MIPOL1: variants seen among roughly 807,000 people sequenced by gnomAD.
MIPOL1 encodes mirror-image polydactyly 1, also known as mirror-image polydactyly gene 1 protein.
Under a neutral mutation model 60.9 loss-of-function variants are expected in MIPOL1, and 57 were observed. That is an observed-to-expected ratio of 0.94 (90% confidence interval 0.76 to 1.17). The LOEUF is 1.17. MIPOL1 is among the 50% of genes most tolerant of loss of function. MIPOL1 has a pLI of 0.00. For missense variants in MIPOL1, 551 were observed against 511.6 expected, an observed-to-expected ratio of 1.08 and a Z score of -0.74; for synonymous variants, 179 against 168.8, an observed-to-expected ratio of 1.06 and a Z score of -0.47.
intron 11 of MIPOL1, among the ~76,000 whole-genome samples, chr14:37,454,272 C>G (rs1268880065): frequency 6.6e-6 from 1 of 152,162 alleles, no homozygotes; most frequent in East Asian, 1.9e-4. Flanking sequence ...AGGGTGCTCC[C>G]TGAGTTTGGT....
At chr14:37,323,745 C>G (rs540887549) in intron 9 of MIPOL1, among the ~76,000 whole-genome samples, 4 of 152,034 alleles carry the variant, frequency 2.6e-5, no homozygotes, top group Admixed American at 2.6e-4. Flanking sequence ...AGAAAGTTCC[C>G]TCATTTATAT....
intron 6 of MIPOL1, among the ~76,000 whole-genome samples, chr14:37,274,977 A>G (rs2083543524): frequency 6.6e-6 from 1 of 151,000 alleles, no homozygotes. Flanking sequence ...TTGTTTCACA[A>G]GGAATTGATT....
At chr14:37,320,998 C>A (rs1292290631) in intron 9 of MIPOL1, among the ~76,000 whole-genome samples, 2 of 151,954 alleles carry the variant, frequency 1.3e-5, no homozygotes, top group Non-Finnish European at 2.9e-5. Context: ...ATTTCTGTAG[C>A]ATTATAGTAA....
At chr14:37,320,291 C>T (rs2088428616) in intron 9 of MIPOL1, among the ~76,000 whole-genome samples, 1 of 152,100 alleles carries the variant, frequency 6.6e-6, no homozygotes, top group South Asian at 2.1e-4. Context: ...GTTGTTCCAG[C>T]TGTGAGAGTT....
chr14:37,358,974 A>G lies in MIPOL1; in HGVS notation c.829-10543A>G, dbSNP rs568642885. Reference sequence around the variant, plus strand: ...GGGTTTTTATGGTTTTAGGTCTAATATTTAAGTCTTTAATCCATCTTGAAT... The same window carrying G: ...GGGTTTTTATGGTTTTAGGTCTAATGTTTAAGTCTTTAATCCATCTTGAAT... On this transcript the variant is annotated intron_variant, in intron 9 of 12. Coordinates refer to ENST00000684589, the MANE Select transcript of MIPOL1 (RefSeq NM_001388067.1). Among the ~76,000 whole-genome samples, 9 of 152,234 alleles carry G rather than the reference A, an allele frequency of 5.9e-5. No homozygotes were observed. In the East Asian group the frequency reaches 9.7e-4, roughly 16 times the overall value.
intron 9 of MIPOL1, among the ~76,000 whole-genome samples, chr14:37,323,157 G>T (rs762487912): frequency 6.6e-6 from 1 of 152,032 alleles, no homozygotes; most frequent in Non-Finnish European, 1.5e-5. Flanking sequence ...TTTATATAAG[G>T]TGTAAAGAAG....
At chr14:37,231,576 A>C (rs1445020475) in intron 1 of MIPOL1, among the ~76,000 whole-genome samples, 1 of 152,160 alleles carries the variant, frequency 6.6e-6, no homozygotes, top group African/African-American at 2.4e-5. Flanking sequence ...TCTCTACTTA[A>C]AAAGTAGTAT....
At chr14:37,332,006 C>T (rs2089733171) in intron 9 of MIPOL1, among the ~76,000 whole-genome samples, 1 of 152,110 alleles carries the variant, frequency 6.6e-6, no homozygotes, top group East Asian at 1.9e-4. Flanking sequence ...TGCATGGTGG[C>T]AGGTGCCTGT....
chr14:37,392,921 T>C (rs775706248), intron 10 of MIPOL1, among the ~76,000 whole-genome samples: 5 of 152,200 alleles, frequency 3.3e-5, no homozygotes, highest in Non-Finnish European at 2.9e-5. Flanking sequence ...CTAATTCCAG[T>C]ATCTCTGAAG....
chr14:37,256,276 CCAA>C lies in MIPOL1; in HGVS notation c.19+8376_19+8378del, dbSNP rs1355222320. 5.3e-5 allele frequency among the ~76,000 whole-genome samples: 8 copies of C among 151,800 alleles called. No individual in the cohort carries two copies. The East Asian group carries it at 7.7e-4, about 15-fold the overall frequency. On this transcript the variant is annotated intron_variant, in intron 3 of 12. Coordinates refer to ENST00000684589, the MANE Select transcript of MIPOL1 (RefSeq NM_001388067.1). ...TTCATTTAGCATTAGTTTCCTTGAA[CCAA>C]CAACAAGTTTTGGAAGAAAGAAATA... is the stretch of plus-strand genomic sequence containing the variant.
intron 9 of MIPOL1, among the ~76,000 whole-genome samples, chr14:37,359,427 G>T (rs1274379837): frequency 6.6e-6 from 1 of 152,218 alleles, no homozygotes; most frequent in Non-Finnish European, 1.5e-5. Flanking sequence ...ACCTTGGGCA[G>T]TATGGCCATT....
chr14:37,399,819 AT>A (rs1011219817), intron 10 of MIPOL1: 1 of 152,156 alleles, frequency 6.6e-6, no homozygotes, highest in Non-Finnish European at 1.5e-5. Context: ...TAACACCAGT[AT>A]TGGTTTTAGC....
intron 1 of MIPOL1, among the ~76,000 whole-genome samples, chr14:37,200,347 A>T (rs992868075): frequency 1.3e-5 from 2 of 152,242 alleles, no homozygotes; most frequent in Non-Finnish European, 2.9e-5. Context: ...AACAGTTGTT[A>T]AAAGATAACT....
chr14:37,234,845 G>A (rs375330809), intron 1 of MIPOL1, among the ~76,000 whole-genome samples: 2 of 150,822 alleles, frequency 1.3e-5, no homozygotes, highest in African/African-American at 4.9e-5. Context: ...GCACGATCTC[G>A]ACTCCATGCA....
chr14:37,433,394 C>T (rs1421094939), intron 11 of MIPOL1, among the ~76,000 whole-genome samples: 1 of 152,050 alleles, frequency 6.6e-6, no homozygotes, highest in Admixed American at 6.6e-5. Context: ...CAACAGGCCC[C>T]GGTGTGTGAT....
Position 37,547,059 on chromosome 14 carries a change from T to C in MIPOL1, c.*88T>C. Reference sequence around the variant, plus strand: ...ACTGTGTAAACACCAAAGCCTTAACTTAGCAAACAGTTGTTAGAAGTGGGA... The same window carrying C: ...ACTGTGTAAACACCAAAGCCTTAACCTAGCAAACAGTTGTTAGAAGTGGGA... On this transcript the variant is annotated 3_prime_UTR_variant, in exon 13 of 13. Coordinates refer to ENST00000684589, the MANE Select transcript of MIPOL1 (RefSeq NM_001388067.1). 8.9e-7 allele frequency: 1 copy of C among 1,123,342 alleles called. No homozygotes were observed. The highest frequency in any genetic ancestry group is 1.3e-6 in the Non-Finnish European group (1 of 753,940). 69.6% of individuals were successfully genotyped at this position (1,123,342 alleles called of 1,614,324 possible).
At chr14:37,442,103 TG>T in intron 11 of MIPOL1, among the ~76,000 whole-genome samples, 1 of 150,908 alleles carries the variant, frequency 6.6e-6, no homozygotes, top group African/African-American at 2.4e-5. Flanking sequence ...TGTGTGTGTG[TG>T]TGTGTGTGTG....
intron 11 of MIPOL1, among the ~76,000 whole-genome samples, chr14:37,486,977 T>C (rs2094957531): frequency 6.6e-6 from 1 of 152,212 alleles, no homozygotes; most frequent in Non-Finnish European, 1.5e-5. Context: ...GGGTTTGTCA[T>C]GAATAGCTTT....
At chr14:37,207,092 G>A (rs375922188) in intron 1 of MIPOL1, among the ~76,000 whole-genome samples, 32 of 152,202 alleles carry the variant, frequency 2.1e-4, no homozygotes, top group Middle Eastern at 3.4e-3. Flanking sequence ...AACCAGGGGC[G>A]GAATGATATG....
Sources: gnomAD v4.1 joint callset for allele counts (sites outside exome capture counted in the v4.1 genomes callset) on GRCh38, gnomAD v4.1.1 for gene constraint, MANE v1.5 for transcripts, NCBI Gene and HGNC (gene_info 2026-07-23, HGNC 2026-07-21) for gene names.